ACBD3: variants seen among roughly 807,000 people sequenced by gnomAD.
The protein encoded by ACBD3 is Golgi resident protein GCP60.
In ACBD3, 30 loss-of-function variants were observed where a neutral mutation model predicts 66.9. The ratio of observed to expected loss-of-function variants is 0.45; its 90% CI spans 0.34 to 0.61. The LOEUF is 0.61. ACBD3 is among the 20% of genes least tolerant of loss of function. The probability of loss-of-function intolerance (pLI) is 0.02; values close to 1 mark genes in which losing one functional copy is unlikely to be tolerated. For synonymous variants in ACBD3, 278 were observed against 259.8 expected (o/e 1.07, Z -0.68); for missense variants, 544 against 664.5 (o/e 0.82, Z 1.99).
intron 1 of ACBD3, among the ~76,000 whole-genome samples, 186 bp from the exon 2 acceptor site, chr1:226,166,186 C>G (rs573836407): frequency 6.1e-4 from 93 of 152,248 alleles, no homozygotes; most frequent in Admixed American, 2.2e-3. Flanking sequence ...GACAGAGTCT[C>G]ACTCTGTTGC....
intron 1 of ACBD3, among the ~76,000 whole-genome samples, chr1:226,169,372 C>T (rs897002598): frequency 6.6e-5 from 10 of 151,960 alleles, no homozygotes; most frequent in South Asian, 2.1e-4. Flanking sequence ...CTCAGCCTCC[C>T]GAGTAGCTGG....
At position 226,186,531 on chromosome 1, in the gene ACBD3, G is replaced by C. The variant is rs908312991; in HGVS notation, c.145C>G (p.Arg49Gly). ...LPPPSPPGSG[R>G]GPGASGEQPE... ...TGCTCCCCTGAGGCGCCCGGGCCGC[G>C]ACCGGATCCAGGTGGCGAGGGCGGT... Residue 49 changes from arginine to glycine, a missense_variant, in exon 1 of 8, where the codon CGC (arginine) becomes GGC (glycine). Physicochemically the swap from Arg to Gly is moderately radical, Grantham distance 125 (BLOSUM62 -2). Transcript: ENST00000366812. The C allele has an allele frequency of 2.2e-6, 3 of 1,387,112 alleles. No homozygotes were observed. The African/African-American group carries it at 4.5e-5, about 21-fold the overall frequency. 85.9% of individuals were successfully genotyped at this position (1,387,112 alleles called of 1,614,324 possible).
At position 226,159,323 on chromosome 1, in the gene ACBD3, G is replaced by A. The variant is rs1659728818; in HGVS notation, c.764C>T (p.Ala255Val). 1 of 1,614,020 alleles carries A rather than the reference G, an allele frequency of 6.2e-7. No individual in the cohort carries two copies. Among genetic ancestry groups the A allele is most frequent in the Non-Finnish European group, 8.5e-7 (1 of 1,180,018 alleles). Reference protein sequence around the residue: ...QIMAALNSQTAVQFQQYAAQQ... With the variant: ...QIMAALNSQTVVQFQQYAAQQ... ...GGCTGCATACTGCTGGAACTGCACGGCAGTCTGGGAGTTTAAAGCTGCCAT... is the reference window on the plus strand; with the variant it reads ...GGCTGCATACTGCTGGAACTGCACGACAGTCTGGGAGTTTAAAGCTGCCAT... Residue 255 changes from alanine to valine, a missense_variant, in exon 5 of 8, where the codon GCC becomes GTC. Physicochemically the swap from Ala to Val is moderately conservative, Grantham distance 64. Coordinates refer to ENST00000366812, the MANE Select transcript of ACBD3 (RefSeq NM_022735.4).
At chr1:226,162,247 C>A in intron 3 of ACBD3, among the ~76,000 whole-genome samples, 1 of 147,850 alleles carries the variant, frequency 6.8e-6, no homozygotes, top group African/African-American at 2.5e-5. Context: ...TATGTAAAGA[C>A]ATGTAATACA....
At chr1:226,156,510 AC>A (rs1659672966) in intron 5 of ACBD3, among the ~76,000 whole-genome samples, 8 of 152,138 alleles carry the variant, frequency 5.3e-5, no homozygotes, top group Admixed American at 4.6e-4. Context: ...GAAAAAAAAT[AC>A]ACACACGCAC....
Position 226,186,568 on chromosome 1 carries a change from C to A in ACBD3, c.108G>T (p.Pro36=). ...GTGGCGAGGGCGGTGGCAGCGGTGG[C>A]GGCAGCAGCGGGGCGCCCTCCGCCC... is the stretch of plus-strand genomic sequence containing the variant. ...RPGAEGAPLL[P]PPLPPPSPPG... is the part of the protein sequence containing the mutation. The change falls in exon 1 of 8, where the codon CCG becomes CCT. Residue 36 remains proline, a synonymous_variant. Coordinates refer to ENST00000366812, the MANE Select transcript of ACBD3 (RefSeq NM_022735.4). 7.3e-7 allele frequency: 1 copy of A among 1,362,582 alleles called. No homozygotes were observed. Among genetic ancestry groups the A allele is most frequent in the Non-Finnish European group, 9.4e-7 (1 of 1,062,936 alleles). 84.4% of individuals were successfully genotyped at this position (1,362,582 alleles called of 1,614,324 possible).
chr1:226,158,701 G>T (rs1293372177), intron 5 of ACBD3, among the ~76,000 whole-genome samples: 6 of 152,234 alleles, frequency 3.9e-5, no homozygotes, highest in Non-Finnish European at 7.3e-5. Flanking sequence ...AGGAGGAATA[G>T]CAATGTGCTG....
At chr1:226,149,416 G>A (rs1217200895) in intron 7 of ACBD3, among the ~76,000 whole-genome samples, 2 of 151,074 alleles carry the variant, frequency 1.3e-5, no homozygotes, top group African/African-American at 2.4e-5. Flanking sequence ...TAGTAGAGAT[G>A]GGGTTTCACC....
At chr1:226,159,405 T>C (rs1268770586) in intron 4 of ACBD3, 47 bp from the exon 5 acceptor site, 7 of 1,572,626 alleles carry the variant, frequency 4.5e-6, no homozygotes, top group Non-Finnish European at 5.2e-6. Flanking sequence ...CAGGAGATTG[T>C]TCATGACAAA....
At position 226,186,688 on chromosome 1, in the gene ACBD3, C is replaced by T. The variant is rs200337750; in HGVS notation, c.-13G>A. 178 of 1,484,744 alleles carry T rather than the reference C, an allele frequency of 1.2e-4. No homozygotes were observed. Among genetic ancestry groups the T allele is most frequent in the Non-Finnish European group, 1.5e-4 (167 of 1,123,056 alleles). 92.0% of individuals were successfully genotyped at this position (1,484,744 alleles called of 1,614,324 possible). A position where few individuals can be genotyped will look rare whatever the true frequency, so the allele number is the denominator to read the frequency against. ...GCACCGCCGCCATCTCCGGCTGCTG[C>T]ACCTCCTCAGCGGGGACAGACGGCA... On this transcript the variant is annotated 5_prime_UTR_variant, in exon 1 of 8. Coordinates refer to ENST00000366812, the MANE Select transcript of ACBD3 (RefSeq NM_022735.4).
intron 1 of ACBD3, among the ~76,000 whole-genome samples, chr1:226,168,696 T>A (rs1035651081): frequency 9.2e-5 from 14 of 152,214 alleles, no homozygotes; most frequent in African/African-American, 3.1e-4. Flanking sequence ...GGCGTTAAAC[T>A]AACCTACTGT....
At chr1:226,180,427 C>A (rs939540864) in intron 1 of ACBD3, among the ~76,000 whole-genome samples, 2 of 152,044 alleles carry the variant, frequency 1.3e-5, no homozygotes, top group Non-Finnish European at 2.9e-5. Flanking sequence ...CTAAAACAAC[C>A]CTTTGAGTAC....
intron 1 of ACBD3, among the ~76,000 whole-genome samples, chr1:226,171,335 G>A (rs1367171861): frequency 2.6e-5 from 4 of 151,832 alleles, no homozygotes; most frequent in African/African-American, 9.7e-5. Context: ...TTTTAGTAGG[G>A]ACGAGGTTTT....
chr1:226,176,193 C>G (rs927521705), intron 1 of ACBD3, among the ~76,000 whole-genome samples: 6 of 152,052 alleles, frequency 3.9e-5, no homozygotes, highest in Admixed American at 2.6e-4. Context: ...TTTGGGAAGC[C>G]GAGGCGGGTG....
intron 1 of ACBD3, among the ~76,000 whole-genome samples, chr1:226,175,540 C>A (rs1656012250): frequency 6.6e-6 from 1 of 151,902 alleles, no homozygotes; most frequent in Non-Finnish European, 1.5e-5. Flanking sequence ...TCTGTTTCAG[C>A]AATGAATAAC....
intron 1 of ACBD3, among the ~76,000 whole-genome samples, chr1:226,181,185 AGAT>A (rs1229268003): frequency 6.6e-6 from 1 of 152,156 alleles, no homozygotes; most frequent in East Asian, 1.9e-4. Flanking sequence ...CTAAAGGTAA[AGAT>A]AATAAAAGGG....
intron 1 of ACBD3, among the ~76,000 whole-genome samples, chr1:226,176,968 G>A (rs1270889248): frequency 6.6e-6 from 1 of 152,040 alleles, no homozygotes; most frequent in Non-Finnish European, 1.5e-5. Flanking sequence ...CAACTTTGAG[G>A]AAAAAATGTG....
intron 1 of ACBD3, among the ~76,000 whole-genome samples, chr1:226,167,019 C>A (rs1002576329): frequency 6.6e-6 from 1 of 151,446 alleles, no homozygotes. Flanking sequence ...TGGTCTTGAA[C>A]CCTGGGTTCA....
At chr1:226,152,063 C>A (rs10915949) in intron 7 of ACBD3, among the ~76,000 whole-genome samples, 96,571 of 151,990 alleles carry the variant, frequency 0.64, 30,931 homozygotes, top group African/African-American at 0.7. Flanking sequence ...TCAACACACA[C>A]GGTTAGAAGT....
Sources: allele counts gnomAD v4.1 joint callset (sites outside exome capture counted in the v4.1 genomes callset), GRCh38; gene constraint gnomAD v4.1.1; transcripts MANE v1.5; gene names NCBI Gene and HGNC (gene_info 2026-07-23, HGNC 2026-07-21).